ZFAT: variants seen among roughly 807,000 people sequenced by gnomAD.
The protein encoded by ZFAT is zinc finger and AT-hook domain containing.
In ZFAT, 64 loss-of-function variants were observed where a neutral mutation model predicts 117.7. That is an observed-to-expected ratio of 0.54 (90% CI 0.44 to 0.67). The LOEUF is 0.67. ZFAT is among the 30% of genes least tolerant of loss of function. The probability of loss-of-function intolerance (pLI) is 0.00; values close to 1 mark genes in which losing one functional copy is unlikely to be tolerated. For missense variants in ZFAT, 1,433 were observed against 1,584.5 expected (o/e 0.90, Z 1.62); for synonymous variants, 679 against 615.0 (o/e 1.10, Z -1.54).
At chr8:134,518,870 A>G (rs182147899) in intron 13 of ZFAT, among the ~76,000 whole-genome samples, 142 of 152,186 alleles carry the variant, frequency 9.3e-4, no homozygotes, top group Non-Finnish European at 1.6e-3. Flanking sequence ...TCAGATAGCT[A>G]TTTAGCTATC....
At chr8:134,488,281 A>G (rs1245098531) in intron 15 of ZFAT, among the ~76,000 whole-genome samples, 1 of 152,230 alleles carries the variant, frequency 6.6e-6, no homozygotes, top group Non-Finnish European at 1.5e-5. Context: ...CTGGGGCTGG[A>G]AGTGACTGAG....
intron 10 of ZFAT, 57 bp downstream of exon 10, chr8:134,583,775 C>A: frequency 1.3e-6 from 2 of 1,581,592 alleles, no homozygotes; most frequent in Non-Finnish European, 8.6e-7. Flanking sequence ...CAAACTGGAA[C>A]ATCAGCTTCA....
chr8:134,699,330 G>A (rs969292586), intron 1 of ZFAT, among the ~76,000 whole-genome samples: 1 of 152,204 alleles, frequency 6.6e-6, no homozygotes, highest in Non-Finnish European at 1.5e-5. Context: ...AATGACAATA[G>A]AGGAAATAAA....
At chr8:134,550,197 C>T (rs899434991) in intron 11 of ZFAT, among the ~76,000 whole-genome samples, 1 of 151,356 alleles carries the variant, frequency 6.6e-6, no homozygotes, top group African/African-American at 2.4e-5. Context: ...CGGGCACCAC[C>T]CATGCTGGGA....
intron 4 of ZFAT, 21 bp downstream of exon 4, chr8:134,610,449 T>C (rs1161167515): frequency 1.2e-6 from 2 of 1,605,142 alleles, no homozygotes; most frequent in East Asian, 2.2e-5. Flanking sequence ...TGCCTTTTCC[T>C]TTCCCGCTTG....
intron 1 of ZFAT, among the ~76,000 whole-genome samples, chr8:134,668,001 C>CGG (rs1832325870): frequency 2.0e-5 from 3 of 152,158 alleles, no homozygotes; most frequent in Admixed American, 2.0e-4. Context: ...CACAGAGCCT[C>CGG]ACTCATTGCT....
At chr8:134,564,952 G>A (rs559292121) in intron 11 of ZFAT, 99 of 1,215,890 alleles carry the variant, frequency 8.1e-5, no homozygotes, top group Non-Finnish European at 1.7e-5. Flanking sequence ...CTTGCCGGGT[G>A]GGCTTCATCA....
chr8:134,808,035 A>G, the ZFAT span, among the ~76,000 whole-genome samples: 1 of 152,238 alleles, frequency 6.6e-6, no homozygotes, highest in African/African-American at 2.4e-5. Flanking sequence ...TTATGCAGTA[A>G]CTACTTTTAA....
At chr8:134,571,765 A>G (rs1387655107) in intron 10 of ZFAT, among the ~76,000 whole-genome samples, 1 of 152,260 alleles carries the variant, frequency 6.6e-6, no homozygotes, top group South Asian at 2.1e-4. Context: ...GAGCTATCAT[A>G]TAAATAAAAA....
the ZFAT span, among the ~76,000 whole-genome samples, chr8:134,788,142 A>G: frequency 2.0e-5 from 3 of 152,070 alleles, no homozygotes; most frequent in African/African-American, 7.2e-5. Context: ...GGCTTTCTCT[A>G]TTGTGTGTTA....
Position 134,509,662 on chromosome 8 carries a change from G to C in ZFAT, c.3449C>G (p.Ser1150Trp). ...AETHDATALA[S>W]VVAMAPGTVT... ...CGTCCCTGGTGCCATGGCAACCACCGAGGCAAGGGCAGTGGCGTCATGGGT... is the reference window on the plus strand; with the variant it reads ...CGTCCCTGGTGCCATGGCAACCACCCAGGCAAGGGCAGTGGCGTCATGGGT... Residue 1150 changes from serine to tryptophan, a missense_variant, in exon 15 of 16, where the codon TCG becomes TGG. Ser to Trp is a radical substitution (Grantham distance 177). This residue lies in a region of ZFAT where 503 missense variants were observed against 543.4 expected (regional missense o/e 0.93). Transcript: ENST00000377838. The C allele has an allele frequency of 6.2e-7, 1 of 1,613,444 alleles. No homozygotes were observed. Among genetic ancestry groups the C allele is most frequent in the Non-Finnish European group, 8.5e-7 (1 of 1,179,796 alleles).
intron 9 of ZFAT, among the ~76,000 whole-genome samples, chr8:134,585,181 A>G (rs984555781): frequency 6.6e-6 from 1 of 152,230 alleles, no homozygotes; most frequent in Non-Finnish European, 1.5e-5. Context: ...TTGGTCATTT[A>G]CAACACACTC....
rs781496982 is a variant in ZFAT at position 134,602,165 on chromosome 8, C to A, written c.1554G>T (p.Leu518=). 7 of 1,613,452 alleles carry A rather than the reference C, an allele frequency of 4.3e-6. No homozygotes were observed. Among genetic ancestry groups the A allele is most frequent in the Admixed American group, 1.7e-5 (1 of 60,004 alleles). ...CCTGGAGGGCAAACTCCTCTTCCAC[C>A]AGCTGTAGCTGGTCCCCCAGAGCTT... ...QQEALGDQLQ[L]VEEEFALQGV... Residue 518 remains leucine (L), a synonymous_variant, in exon 6 of 16, where the codon CTG becomes CTT. Transcript: ENST00000377838.
At chr8:134,479,490 C>G (rs921735139) in intron 15 of ZFAT, among the ~76,000 whole-genome samples, 1 of 152,216 alleles carries the variant, frequency 6.6e-6, no homozygotes, top group Non-Finnish European at 1.5e-5. Context: ...GCTGCCAGCT[C>G]TGGGCTGTTT....
chr8:134,693,699 AT>A (rs1356754662), intron 1 of ZFAT, among the ~76,000 whole-genome samples: 2 of 152,222 alleles, frequency 1.3e-5, no homozygotes, highest in African/African-American at 4.8e-5. Flanking sequence ...CGTAGCAGCC[AT>A]CCTGATGCTA....
Position 134,478,673 on chromosome 8 carries a change from T to TAC in ZFAT, c.3540_3541insGT (p.Thr1181ValfsTer29), listed in dbSNP as rs1393021253. The TAC allele has an allele frequency of 6.3e-7, 1 of 1,581,410 alleles. No individual in the cohort carries two copies. Among genetic ancestry groups the TAC allele is most frequent in the Non-Finnish European group, 8.6e-7 (1 of 1,164,274 alleles). On this transcript the variant is annotated frameshift_variant, in exon 16 of 16. Transcript: ENST00000377838. LOFTEE classifies it high-confidence loss of function. The surrounding 1 kb of genome is among the most constrained non-coding windows in gnomAD (Gnocchi z 5.2). ...AGCTCCACGGACGCTTGCTGGACCGTCTCCTGGATCATGACCGTGTGGTTG... is the reference window on the plus strand; with the variant it reads ...AGCTCCACGGACGCTTGCTGGACCGTACCTCCTGGATCATGACCGTGTGGTTG...
At chr8:134,687,092 C>T (rs1047103220) in intron 1 of ZFAT, among the ~76,000 whole-genome samples, 2 of 152,200 alleles carry the variant, frequency 1.3e-5, no homozygotes, top group African/African-American at 2.4e-5. Flanking sequence ...ACCCTCCTGC[C>T]TCCTGCTGCT....
chr8:134,819,838 T>C, the ZFAT span, among the ~76,000 whole-genome samples: 1 of 152,012 alleles, frequency 6.6e-6, no homozygotes, highest in African/African-American at 2.4e-5. Flanking sequence ...ACCTTGGCCA[T>C]GTATGTATTC....
At chr8:134,702,488 G>C (rs1013506798) in intron 1 of ZFAT, among the ~76,000 whole-genome samples, 3 of 152,056 alleles carry the variant, frequency 2.0e-5, no homozygotes, top group East Asian at 3.9e-4. Context: ...CCCCCATACT[G>C]TTCTGATGAT....
Sources: allele counts gnomAD v4.1 joint callset (sites outside exome capture counted in the v4.1 genomes callset), GRCh38; gene constraint gnomAD v4.1.1; regional missense constraint gnomAD v4.1.1; non-coding constraint Gnocchi (gnomAD v3.1); transcripts MANE v1.5; gene names NCBI Gene and HGNC (gene_info 2026-07-23, HGNC 2026-07-21).